The following MAP3K4 variants were observed in gnomAD, a reference collection of about 807,000 sequenced individuals.
MAP3K4 encodes mitogen-activated protein kinase kinase kinase 4.
MAP3K4 carries 67 observed loss-of-function variants against 185.6 expected under a neutral mutation model. The ratio of observed to expected loss-of-function variants is 0.36; its 90% CI spans 0.30 to 0.44. The LOEUF (loss-of-function observed/expected upper bound fraction) is 0.44. Ranked by LOEUF, MAP3K4 falls within the 20% of genes least tolerant of loss-of-function variation. MAP3K4 has a pLI of 1.00. For synonymous variants in MAP3K4, 702 were observed against 710.4 expected, an observed-to-expected ratio of 0.99 and a Z score of 0.19; for missense variants, 1,551 against 1,995.1, an observed-to-expected ratio of 0.78 and a Z score of 4.24.
chr6:161,086,678 C>A lies in MAP3K4; in HGVS notation c.2556+11C>A. The A allele has an allele frequency of 1.9e-6, 3 of 1,598,568 alleles. No individual in the cohort carries two copies. Among genetic ancestry groups the A allele is most frequent in the South Asian group, 1.1e-5 (1 of 87,566 alleles). On this transcript the variant is annotated intron_variant, in intron 9 of 26. Transcript: ENST00000392142. This position sits in a 1 kb window ranked among gnomAD's most constrained non-coding sequence, Gnocchi z 4.8. ...AAACAGTATGTCAAGGTAAGTACTTCAAATGTTGTGATTGAAACATTTTGC... is the reference window on the plus strand; with the variant it reads ...AAACAGTATGTCAAGGTAAGTACTTAAAATGTTGTGATTGAAACATTTTGC...
chr6:161,018,612 T>G (rs915038311), intron 1 of MAP3K4, among the ~76,000 whole-genome samples: 1 of 152,216 alleles, frequency 6.6e-6, no homozygotes, highest in African/African-American at 2.4e-5. Context: ...AGTTTAATCC[T>G]CTTTAAAGGA....
At position 161,098,311 on chromosome 6, in the gene MAP3K4, T is replaced by C. The variant is rs755592929; in HGVS notation, c.3558T>C (p.His1186=). The change falls in exon 17 of 27, where the codon CAT becomes CAC. Residue 1186 remains histidine (H), a synonymous_variant. Coordinates refer to ENST00000392142, the MANE Select transcript of MAP3K4 (RefSeq NM_005922.4). The surrounding 1 kb of genome is among the most constrained non-coding windows in gnomAD (Gnocchi z 4.4). ...GCATGCCTTCCGACGCGCGGAGCCA[T>C]GGCAGCCCTGCTGCTGCTGCTGCTG... ...TRSMPSDARS[H]GSPAAAAAAA... 7.0e-6 allele frequency: 11 copies of C among 1,580,246 alleles called. No individual in the cohort carries two copies. The highest frequency in any genetic ancestry group is 2.3e-5 in the East Asian group (1 of 43,530).
At chr6:160,999,082 A>G (rs1367991697) in intron 1 of MAP3K4, among the ~76,000 whole-genome samples, 1 of 152,226 alleles carries the variant, frequency 6.6e-6, no homozygotes, top group African/African-American at 2.4e-5. Flanking sequence ...CATTTCATAC[A>G]TGGATTTCAT....
At chr6:161,036,266 T>G (rs1383430717) in intron 2 of MAP3K4, among the ~76,000 whole-genome samples, 1 of 152,194 alleles carries the variant, frequency 6.6e-6, no homozygotes, top group Non-Finnish European at 1.5e-5. Flanking sequence ...GTTCTTGCCG[T>G]TTTTCAGATG....
At chr6:161,111,441 C>CA in intron 23 of MAP3K4, among the ~76,000 whole-genome samples, 1 of 152,362 alleles carries the variant, frequency 6.6e-6, no homozygotes, top group South Asian at 2.1e-4. Flanking sequence ...AGTGCGTGTG[C>CA]AGCTCTCATC....
At position 160,996,270 on chromosome 6, in the gene MAP3K4, A is replaced by G. The variant is rs1780988215; in HGVS notation, c.152+4187A>G. 6.6e-6 allele frequency among the ~76,000 whole-genome samples: 1 copy of G among 152,210 alleles called. No individual in the cohort carries two copies. Among genetic ancestry groups the G allele is most frequent in the Non-Finnish European group, 1.5e-5 (1 of 68,028 alleles). On this transcript the variant is annotated intron_variant, in intron 1 of 26. Transcript: ENST00000392142. The surrounding 1 kb of genome is among the most constrained non-coding windows in gnomAD (Gnocchi z 4.5). ...AGGCAGAGAGGAGTCACCAAACAGC[A>G]GTGATGGCAGAAACTTCATGTTTTC...
At position 161,087,614 on chromosome 6, in the gene MAP3K4, C is replaced by A; in HGVS notation, c.2557-74C>A. 1 of 1,508,698 alleles carries A rather than the reference C, an allele frequency of 6.6e-7. No individual in the cohort carries two copies. The highest frequency in any genetic ancestry group is 2.3e-5 in the East Asian group (1 of 44,434). The allele number at this position is 1,508,698 out of a possible 1,614,324, so 93.5% of individuals were successfully genotyped here. ...CCTTTCCCAAACCTGCCTCTCCTTTCCTAGGTTTGTTTTAAATAACCTATT... is the reference window on the plus strand; with the variant it reads ...CCTTTCCCAAACCTGCCTCTCCTTTACTAGGTTTGTTTTAAATAACCTATT... On this transcript the variant is annotated intron_variant, in intron 9 of 26. Transcript: ENST00000392142. The surrounding 1 kb of genome is among the most constrained non-coding windows in gnomAD (Gnocchi z 4.9).
At position 161,085,202 on chromosome 6, in the gene MAP3K4, A is replaced by G. The variant is rs189012122; in HGVS notation, c.2372+585A>G. ...AAGTTGACTGAAAAAAATGAGTAGAATTTTCTTTATTTACATTGTCTGGGA... is the reference window on the plus strand; with the variant it reads ...AAGTTGACTGAAAAAAATGAGTAGAGTTTTCTTTATTTACATTGTCTGGGA... On this transcript the variant is annotated intron_variant, in intron 7 of 26. Coordinates refer to ENST00000392142, the MANE Select transcript of MAP3K4 (RefSeq NM_005922.4). Among the ~76,000 whole-genome samples the G allele has an allele frequency of 4.9e-4, 74 of 151,902 alleles. 1 individual carries two copies. In the East Asian group the frequency reaches 0.011, roughly 22 times the overall value.
chr6:161,062,650 C>G (rs911813804), intron 3 of MAP3K4, among the ~76,000 whole-genome samples: 2 of 152,150 alleles, frequency 1.3e-5, no homozygotes, highest in Non-Finnish European at 2.9e-5. Context: ...TTTATATTTT[C>G]TTTCCTTGGA....
chr6:161,108,141 T>C lies in MAP3K4; in HGVS notation c.4119+172T>C, dbSNP rs975077277. Reference sequence around the variant, plus strand: ...GCACTGAGATAACACACACAGACAGTGAAGGGGCTTACGATTCCAGAGAGG... The same window carrying C: ...GCACTGAGATAACACACACAGACAGCGAAGGGGCTTACGATTCCAGAGAGG... On this transcript the variant is annotated intron_variant, in intron 21 of 26. Transcript: ENST00000392142. The surrounding 1 kb of genome is among the most constrained non-coding windows in gnomAD (Gnocchi z 5.7). 6.6e-6 allele frequency among the ~76,000 whole-genome samples: 1 copy of C among 152,166 alleles called. No individual in the cohort carries two copies. The highest frequency in any genetic ancestry group is 2.4e-5 in the African/African-American group (1 of 41,438).
intron 1 of MAP3K4, among the ~76,000 whole-genome samples, chr6:160,999,691 C>T (rs759842468): frequency 2.0e-5 from 3 of 152,150 alleles, no homozygotes; most frequent in Non-Finnish European, 4.4e-5. Context: ...ACCCTCGCAT[C>T]GCCATGTGCT....
chr6:161,106,785 A>G lies in MAP3K4; in HGVS notation c.4048+80A>G, dbSNP rs1778093558. 2 of 1,192,004 alleles carry G rather than the reference A, an allele frequency of 1.7e-6. No individual in the cohort carries two copies. Among genetic ancestry groups the G allele is most frequent in the Non-Finnish European group, 2.3e-6 (2 of 867,512 alleles). The allele number at this position is 1,192,004 out of a possible 1,614,324, so 73.8% of individuals were successfully genotyped here. A position where few individuals can be genotyped will look rare whatever the true frequency, so the allele number is the denominator to read the frequency against. ...GTTATACTTCTTTAGGTTGAATCCT[A>G]TAGAGTTGGCCCTTTTTTCTTGTAG... On this transcript the variant is annotated intron_variant, in intron 20 of 26. Transcript: ENST00000392142. The surrounding 1 kb of genome is among the most constrained non-coding windows in gnomAD (Gnocchi z 4.9).
At chr6:161,090,636 GTTTA>G in intron 11 of MAP3K4, among the ~76,000 whole-genome samples, 1 of 56,658 alleles carries the variant, frequency 1.8e-5, no homozygotes, top group Non-Finnish European at 4.4e-5. Context: ...ATTGTAGGAT[GTTTA>G]GAGCCAGGGC....
intron 1 of MAP3K4, among the ~76,000 whole-genome samples, chr6:161,015,600 G>A (rs944612754): frequency 6.6e-6 from 1 of 152,112 alleles, no homozygotes; most frequent in Non-Finnish European, 1.5e-5. Context: ...ATCTGCTTCC[G>A]GTGAGGGCCT....
At position 161,076,532 on chromosome 6, in the gene MAP3K4, G is replaced by A. The variant is rs1785186989; in HGVS notation, c.2097+2920G>A. Among the ~76,000 whole-genome samples, 1 of 152,212 alleles carries A rather than the reference G, an allele frequency of 6.6e-6. No individual in the cohort carries two copies. Among genetic ancestry groups the A allele is most frequent in the Non-Finnish European group, 1.5e-5 (1 of 68,044 alleles). ...TTTGGAACATCAAATCTAAATCAAA[G>A]CTGTGAATTGTTATCTCATTTCCTG... On this transcript the variant is annotated intron_variant, in intron 5 of 26. Coordinates refer to ENST00000392142, the MANE Select transcript of MAP3K4 (RefSeq NM_005922.4). This position sits in a 1 kb window ranked among gnomAD's most constrained non-coding sequence, Gnocchi z 4.2.
At chr6:161,090,398 G>C (rs1160141519) in intron 11 of MAP3K4, among the ~76,000 whole-genome samples, 2 of 151,954 alleles carry the variant, frequency 1.3e-5, no homozygotes, top group African/African-American at 2.4e-5. Flanking sequence ...GTGGACGTTT[G>C]GGCCCGTAAC....
rs539602446 is a variant in MAP3K4, at chr6:161,056,572, A to G, written c.1707+6593A>G. ...GAGAAACCTGGCTACCATTACTACA[A>G]TTAATTACATGTTTGTTCAACCCTA... is the stretch of plus-strand genomic sequence containing the variant. On this transcript the variant is annotated intron_variant, in intron 3 of 26. Coordinates refer to ENST00000392142, the MANE Select transcript of MAP3K4 (RefSeq NM_005922.4). The surrounding 1 kb of genome is among the most constrained non-coding windows in gnomAD (Gnocchi z 5.4). Among the ~76,000 whole-genome samples, 4 of 152,304 alleles carry G rather than the reference A, an allele frequency of 2.6e-5. No homozygotes were observed. The highest frequency in any genetic ancestry group is 9.6e-5 in the African/African-American group (4 of 41,570).
At position 161,034,653 on chromosome 6, in the gene MAP3K4, T is replaced by C. The variant is rs1783081667; in HGVS notation, c.343+204T>C. Among the ~76,000 whole-genome samples the C allele has an allele frequency of 6.6e-6, 1 of 152,106 alleles. No individual in the cohort carries two copies. Among genetic ancestry groups the C allele is most frequent in the South Asian group, 2.1e-4 (1 of 4,816 alleles). Reference sequence around the variant, plus strand: ...AGATAGAAACGTTTGTCCTGAGTAATGGTTAAAGCCAGCAATGCACGGGCA... The same window carrying C: ...AGATAGAAACGTTTGTCCTGAGTAACGGTTAAAGCCAGCAATGCACGGGCA... On this transcript the variant is annotated intron_variant, in intron 2 of 26. Coordinates refer to ENST00000392142, the MANE Select transcript of MAP3K4 (RefSeq NM_005922.4). The surrounding 1 kb of genome is among the most constrained non-coding windows in gnomAD (Gnocchi z 4.4).
chr6:161,029,239 T>C (rs1308988011), intron 1 of MAP3K4, among the ~76,000 whole-genome samples: 1 of 151,804 alleles, frequency 6.6e-6, no homozygotes, highest in Non-Finnish European at 1.5e-5. Context: ...TTTGGGTTTT[T>C]TTGGCGGGGG....
Sources: allele counts gnomAD v4.1 joint callset (sites outside exome capture counted in the v4.1 genomes callset), GRCh38; gene constraint gnomAD v4.1.1; non-coding constraint Gnocchi (gnomAD v3.1); transcripts MANE v1.5; gene names NCBI Gene and HGNC (gene_info 2026-07-23, HGNC 2026-07-21).